Variants in KCTD2 observed in about 807,000 individuals in gnomAD.
KCTD2 encodes the protein BTB/POZ domain-containing protein KCTD2.
In KCTD2, 18 loss-of-function variants were observed where a neutral mutation model predicts 27.9. The observed-to-expected ratio is 0.64, with a 90% CI of 0.45 to 0.96. The LOEUF is 0.96. Among genes scored for constraint, KCTD2 ranks in the 40% least tolerant of loss-of-function variants. The pLI is 0.00. For missense variants in KCTD2, 280 were observed against 348.0 expected (o/e 0.80, Z 1.56); for synonymous variants, 175 against 148.4 (o/e 1.18, Z -1.30).
intron 5 of KCTD2, 68 bp downstream of exon 5, chr17:75,062,313 C>G (rs2073412246): frequency 6.7e-7 from 1 of 1,490,234 alleles, no homozygotes; most frequent in Non-Finnish European, 9.1e-7. Context: ...TGGGCTTTTC[C>G]TGAACTCTTG....
Position 75,047,348 on chromosome 17 carries a change from G to C in KCTD2, c.98G>C (p.Ser33Thr), listed in dbSNP as rs1297853777. 2 of 1,145,722 alleles carry C rather than the reference G, an allele frequency of 1.7e-6. No homozygotes were observed. The highest frequency in any genetic ancestry group is 3.3e-5 in the African/African-American group (2 of 60,824). 71.0% of individuals were successfully genotyped at this position (1,145,722 alleles called of 1,614,324 possible). Residue 33 changes from serine to threonine, a missense_variant, in exon 1 of 6, where the codon AGC becomes ACC. Coordinates refer to ENST00000322444, the MANE Select transcript of KCTD2 (RefSeq NM_015353.3). ...DGGGPVRGPP[S>T]PRPAGPTPRG... is the part of the protein sequence containing the mutation. ...GGTGGCCCAGTCCGCGGGCCCCCCA[G>C]CCCACGCCCGGCTGGCCCCACGCCC...
chr17:75,043,611 C>CA (rs533075854), upstream of KCTD2, among the ~76,000 whole-genome samples: 10,276 of 80,156 alleles, frequency 0.13, 724 homozygotes, highest in African/African-American at 0.26. Context: ...GACTCTGTCT[C>CA]AAAAAAAAAA....
At chr17:75,055,636 C>T (rs1017813422) in intron 3 of KCTD2, among the ~76,000 whole-genome samples, 1 of 151,724 alleles carries the variant, frequency 6.6e-6, no homozygotes, top group Admixed American at 6.6e-5. Flanking sequence ...GAGTTCAAGA[C>T]GAGCCTGACT....
At chr17:75,037,765 T>C (rs932524913) in intron 3 of KCTD2, among the ~76,000 whole-genome samples, 3 of 152,204 alleles carry the variant, frequency 2.0e-5, no homozygotes, top group African/African-American at 7.2e-5. Flanking sequence ...TTCTCCATGT[T>C]CAGGCTGGAT....
chr17:75,053,908 C>T (rs1035859314), intron 3 of KCTD2, among the ~76,000 whole-genome samples: 1 of 142,540 alleles, frequency 7.0e-6, no homozygotes, highest in Admixed American at 7.1e-5. Flanking sequence ...ACTCTCTCCC[C>T]CAGGCTGGCC....
At chr17:75,042,684 A>G (rs1381553041), upstream of KCTD2, 1 of 1,586,756 alleles carries the variant, frequency 6.3e-7, no homozygotes. Context: ...AAATAAAAAC[A>G]AGGCTTTTTT....
intron 2 of KCTD2, 97 bp downstream of exon 2, chr17:75,049,425 G>C (rs1281663684): frequency 1.3e-6 from 1 of 741,442 alleles, no homozygotes; most frequent in Admixed American, 2.2e-5. Context: ...TTCATCAGGC[G>C]CATGTGCAGG....
intron 3 of KCTD2, chr17:75,042,077 C>T (rs2073166965): frequency 2.0e-6 from 2 of 1,005,706 alleles, no homozygotes; most frequent in Non-Finnish European, 2.9e-6. Flanking sequence ...TCCTAAGCTT[C>T]CTTAGGGATC....
chr17:75,051,237 CA>C (rs1475913942), intron 2 of KCTD2, among the ~76,000 whole-genome samples: 3 of 150,324 alleles, frequency 2.0e-5, no homozygotes, highest in Admixed American at 6.7e-5. Context: ...CTCAGCCTCC[CA>C]AAGTACTGGG....
At chr17:75,051,239 A>G (rs1164955077) in intron 2 of KCTD2, among the ~76,000 whole-genome samples, 4 of 147,766 alleles carry the variant, frequency 2.7e-5, no homozygotes, top group South Asian at 2.1e-4. Flanking sequence ...CAGCCTCCCA[A>G]AGTACTGGGA....
chr17:75,035,889 G>A (rs1238456018), intron 3 of KCTD2, among the ~76,000 whole-genome samples: 1 of 152,162 alleles, frequency 6.6e-6, no homozygotes, highest in Non-Finnish European at 1.5e-5. Flanking sequence ...CAAGGGCAGT[G>A]GGGGTGCTGC....
chr17:75,043,926 T>C (rs2073185877), upstream of KCTD2, among the ~76,000 whole-genome samples: 1 of 152,236 alleles, frequency 6.6e-6, no homozygotes, highest in South Asian at 2.1e-4. Flanking sequence ...TTTTACAAAC[T>C]TAAAAGGGCT....
rs2073444226 is a variant in KCTD2 at position 75,065,144 on chromosome 17, T to G, written c.*2097T>G. The stretch of plus-strand genomic sequence containing the variant: ...ATAGTTGCCGCCATGAAAAGACTGC[T>G]CTTGAGCCCCAAGGCACAGGCACGT... On this transcript the variant is annotated 3_prime_UTR_variant, in exon 6 of 6. Transcript: ENST00000322444. The G allele has an allele frequency of 6.6e-6, 1 of 152,012 alleles. No homozygotes were observed. Among genetic ancestry groups the G allele is most frequent in the African/African-American group, 2.4e-5 (1 of 41,308 alleles). 9.4% of individuals were successfully genotyped at this position (152,012 alleles called of 1,614,324 possible). A position where few individuals can be genotyped will look rare whatever the true frequency, so the allele number is the denominator to read the frequency against.
At chr17:75,049,135 T>G in intron 1 of KCTD2, 85 bp from the exon 2 acceptor site, 1 of 785,792 alleles carries the variant, frequency 1.3e-6, no homozygotes. Context: ...CTTGGGGCGC[T>G]GACAAAGATG....
upstream of KCTD2, chr17:75,042,654 G>T: frequency 6.3e-7 from 1 of 1,595,268 alleles, no homozygotes; most frequent in South Asian, 1.2e-5. Flanking sequence ...CAGCCATTTT[G>T]GGATCCTGAA....
chr17:75,047,218 C>A (rs1040336149), upstream of KCTD2: 3 of 636,498 alleles, frequency 4.7e-6, no homozygotes, highest in Non-Finnish European at 4.1e-6. Context: ...CCCGGCTGCG[C>A]GCGGGCAGCA....
intron 2 of KCTD2, among the ~76,000 whole-genome samples, chr17:75,051,498 C>T (rs1178284709): frequency 6.6e-6 from 1 of 151,394 alleles, no homozygotes; most frequent in East Asian, 1.9e-4. Context: ...GTTGGTCAGG[C>T]TGGTCTTGAA....
rs1272524002 is a variant in KCTD2, at chr17:75,049,307, A to G, written c.427A>G (p.Thr143Ala). The G allele has an allele frequency of 9.3e-6, 15 of 1,611,096 alleles. No homozygotes were observed. Among genetic ancestry groups the G allele is most frequent in the Non-Finnish European group, 1.3e-5 (15 of 1,177,276 alleles). ...CCTCCGCCACGGGAAACTCATCATC[A>G]CTAAGGAGTTGGCAGAAGAAGGTAA... ...NYLRHGKLII[T>A]KELAEEGVLE... Residue 143 changes from threonine to alanine, a missense_variant, in exon 2 of 6, where the codon ACT (threonine) becomes GCT (alanine). Transcript: ENST00000322444.
intron 5 of KCTD2, among the ~76,000 whole-genome samples, chr17:75,062,699 AACACACACACACAC>A (rs10533801): frequency 0.029 from 3,308 of 116,068 alleles, 149 homozygotes; most frequent in African/African-American, 0.097. Context: ...CCTCACCCCC[AACACACACACACAC>A]ACACACACAC....
Sources: gnomAD v4.1 joint callset for allele counts (sites outside exome capture counted in the v4.1 genomes callset) on GRCh38, gnomAD v4.1.1 for gene constraint, MANE v1.5 for transcripts, NCBI Gene and HGNC (gene_info 2026-07-23, HGNC 2026-07-21) for gene names.